Variants in CPED1 observed in about 807,000 individuals in gnomAD.
CPED1 encodes cadherin-like and PC-esterase domain-containing protein 1.
CPED1 carries 114 observed loss-of-function variants against 128.2 expected under a neutral mutation model. The ratio of observed to expected loss-of-function variants is 0.89; its 90% CI spans 0.76 to 1.04. CPED1 has a LOEUF of 1.04. Ranked by LOEUF, CPED1 falls within the 50% of genes least tolerant of loss-of-function variation. The pLI, the probability that CPED1 is intolerant of heterozygous loss-of-function variation, is 0.00. For synonymous variants in CPED1, 462 were observed against 426.7 expected, an observed-to-expected ratio of 1.08 and a Z score of -1.02; for missense variants, 1,211 against 1,207.1, an observed-to-expected ratio of 1.00 and a Z score of -0.05.
intron 21 of CPED1, among the ~76,000 whole-genome samples, chr7:121,267,694 T>C (rs192916418): frequency 4.9e-4 from 74 of 152,092 alleles, no homozygotes; most frequent in African/African-American, 1.6e-3. Context: ...TTATAGAAGA[T>C]AGTAAATTAG....
chr7:121,239,574 A>T (rs2116674388), intron 17 of CPED1, among the ~76,000 whole-genome samples: 1 of 152,308 alleles, frequency 6.6e-6, no homozygotes, highest in African/African-American at 2.4e-5. Flanking sequence ...TTTAGCAAGG[A>T]ATTATGACAA....
intron 18 of CPED1, among the ~76,000 whole-genome samples, chr7:121,259,110 CT>C (rs937662915): frequency 6.6e-6 from 1 of 151,992 alleles, no homozygotes; most frequent in Non-Finnish European, 1.5e-5. Context: ...CCTTTTATAT[CT>C]TTTTCCTACT....
rs1796434703 is a variant in CPED1 at position 121,162,541 on chromosome 7, A to G, written c.2055+20400A>G. 3.3e-5 allele frequency among the ~76,000 whole-genome samples: 5 copies of G among 152,330 alleles called. No homozygotes were observed. In the South Asian group the frequency reaches 8.3e-4, roughly 25 times the overall value. Reference sequence around the variant, plus strand: ...ATGGTAATTGAAGAGAAGGGATACAATGACTAGAACAATTTATATTGTTAA... The same window carrying G: ...ATGGTAATTGAAGAGAAGGGATACAGTGACTAGAACAATTTATATTGTTAA... On this transcript the variant is annotated intron_variant, in intron 16 of 22. Transcript: ENST00000310396.
chr7:121,125,624 T>C (rs926643335), intron 8 of CPED1, among the ~76,000 whole-genome samples, 196 bp from the exon 9 acceptor site: 12 of 152,340 alleles, frequency 7.9e-5, no homozygotes, highest in Admixed American at 3.9e-4. Flanking sequence ...TCTATGTCCC[T>C]GCAAAGTACT....
chr7:121,012,573 A>C (rs1185236244), intron 2 of CPED1, among the ~76,000 whole-genome samples: 1 of 152,238 alleles, frequency 6.6e-6, no homozygotes, highest in Non-Finnish European at 1.5e-5. Context: ...TGCGGTTGAC[A>C]TAATTGTTCA....
intron 5 of CPED1, chr7:121,083,707 A>G (rs1478569538): frequency 6.6e-6 from 1 of 152,184 alleles, no homozygotes; most frequent in African/African-American, 2.4e-5. Context: ...GGCAAGTTGT[A>G]CCTTCTTTGT....
chr7:121,075,733 T>C (rs1417998091), intron 5 of CPED1, among the ~76,000 whole-genome samples: 1 of 152,136 alleles, frequency 6.6e-6, no homozygotes, highest in Non-Finnish European at 1.5e-5. Flanking sequence ...TAACTTTTTG[T>C]AAGATTTATG....
At chr7:121,280,042 G>A (rs1195551910) in intron 22 of CPED1, among the ~76,000 whole-genome samples, 5 of 152,268 alleles carry the variant, frequency 3.3e-5, no homozygotes, top group East Asian at 1.9e-4. Context: ...AGTTGGAAAT[G>A]TTAGTCCCCA....
At chr7:121,108,439 A>G (rs1029901670) in intron 7 of CPED1, among the ~76,000 whole-genome samples, 1 of 152,098 alleles carries the variant, frequency 6.6e-6, no homozygotes, top group Non-Finnish European at 1.5e-5. Flanking sequence ...AAAGAATGAT[A>G]TCCCTCAGAT....
chr7:121,093,427 C>CACACACACACACAG (rs1234770008), intron 5 of CPED1, among the ~76,000 whole-genome samples: 66 of 151,198 alleles, frequency 4.4e-4, no homozygotes, highest in African/African-American at 1.5e-3. Context: ...CACACACACA[C>CACACACACACACAG]AGTTGTTTGT....
At chr7:121,038,876 A>G (rs1170819084) in intron 3 of CPED1, among the ~76,000 whole-genome samples, 6 of 152,036 alleles carry the variant, frequency 3.9e-5, no homozygotes, top group Non-Finnish European at 7.4e-5. Context: ...GAGTGTGAAC[A>G]CAGAGATAAA....
In CPED1 at chr7:121,133,909, T is replaced by G. The variant is rs761912342; in HGVS notation, c.1648+16T>G. On this transcript the variant is annotated intron_variant, in intron 13 of 22. Transcript: ENST00000310396. ...AATAAAAAAGGTAAAAATATAGATA[T>G]TCCCACTTATTTCAACATAAAAATA... 4 of 1,381,774 alleles carry G rather than the reference T, an allele frequency of 2.9e-6. No individual in the cohort carries two copies. The highest frequency in any genetic ancestry group is 1.3e-5 in the South Asian group (1 of 79,112). The allele number at this position is 1,381,774 out of a possible 1,614,324, so 85.6% of individuals were successfully genotyped here.
intron 5 of CPED1, among the ~76,000 whole-genome samples, chr7:121,075,913 GA>G (rs1400659248): frequency 6.6e-6 from 1 of 151,810 alleles, no homozygotes; most frequent in Non-Finnish European, 1.5e-5. Context: ...TATATTTATT[GA>G]AAAAACAATC....
At chr7:121,237,565 A>G (rs1798287202) in intron 17 of CPED1, among the ~76,000 whole-genome samples, 1 of 152,100 alleles carries the variant, frequency 6.6e-6, no homozygotes, top group Admixed American at 6.6e-5. Context: ...CTTCCCCAGC[A>G]ATCTTCTTTC....
chr7:121,216,126 A>G (rs1364424351), intron 16 of CPED1, among the ~76,000 whole-genome samples: 3 of 152,016 alleles, frequency 2.0e-5, no homozygotes, highest in African/African-American at 4.8e-5. Flanking sequence ...AGGTTATAGG[A>G]TAAGTTGGTA....
chr7:121,194,191 G>A (rs930581283), intron 16 of CPED1, among the ~76,000 whole-genome samples: 1 of 151,088 alleles, frequency 6.6e-6, no homozygotes, highest in African/African-American at 2.4e-5. Context: ...GGGACTACAG[G>A]TGCCTGCCAC....
intron 16 of CPED1, among the ~76,000 whole-genome samples, chr7:121,200,511 G>A (rs1279931812): frequency 6.6e-6 from 1 of 152,042 alleles, no homozygotes; most frequent in East Asian, 1.9e-4. Context: ...ATTGGAAAAA[G>A]GCAAAATGGA....
chr7:121,281,339 A>G (rs1306628936), intron 22 of CPED1, among the ~76,000 whole-genome samples: 3 of 152,180 alleles, frequency 2.0e-5, no homozygotes, highest in Non-Finnish European at 4.4e-5. Flanking sequence ...GAAATTACCT[A>G]CATTTAATAG....
intron 3 of CPED1, among the ~76,000 whole-genome samples, chr7:121,022,670 T>C (rs1193215656): frequency 5.3e-5 from 8 of 152,056 alleles, no homozygotes; most frequent in Admixed American, 3.9e-4. Flanking sequence ...CAATAGCCTA[T>C]AAAGCAGTGT....
Sources: gnomAD v4.1 joint callset for allele counts (sites outside exome capture counted in the v4.1 genomes callset) on GRCh38, gnomAD v4.1.1 for gene constraint, MANE v1.5 for transcripts, NCBI Gene and HGNC (gene_info 2026-07-23, HGNC 2026-07-21) for gene names.